NRXN1: variants seen among roughly 807,000 people sequenced by gnomAD.
The protein encoded by NRXN1 is neurexin 1.
Under a neutral mutation model 150.9 loss-of-function variants are expected in NRXN1, and 39 were observed. The ratio of observed to expected loss-of-function variants is 0.26; its 90% CI spans 0.20 to 0.34. The LOEUF (loss-of-function observed/expected upper bound fraction) is 0.34. Among genes scored for constraint, NRXN1 ranks in the 10% least tolerant of loss-of-function variants. NRXN1 has a pLI of 1.00. For synonymous variants in NRXN1, 924 were observed against 757.0 expected (o/e 1.22, Z -3.62); for missense variants, 1,815 against 1,949.9 (o/e 0.93, Z 1.30).
intron 2 of NRXN1, among the ~76,000 whole-genome samples, chr2:50,956,874 C>G (rs1692368134): frequency 1.3e-5 from 2 of 152,066 alleles, no homozygotes; most frequent in Admixed American, 6.6e-5. Flanking sequence ...TGGTCAGCCC[C>G]AGTTTACATA....
rs570563736 is a variant in NRXN1 at position 50,130,141 on chromosome 2, T to C, written c.3547-38647A>G. 2.0e-4 allele frequency among the ~76,000 whole-genome samples: 31 copies of C among 152,298 alleles called. No homozygotes were observed. In the South Asian group the frequency reaches 6.4e-3, roughly 32 times the overall value. On this transcript the variant is annotated intron_variant, in intron 18 of 22. Transcript: ENST00000401669. ...TCACAGTTTTGTCGCTTCTTTCCAC[T>C]GATGTCCTCCCTAGTCTTGTTCTGA...
intron 12 of NRXN1, among the ~76,000 whole-genome samples, chr2:50,509,419 A>G (rs2092366466): frequency 6.6e-6 from 1 of 152,162 alleles, no homozygotes; most frequent in African/African-American, 2.4e-5. Context: ...GGGATGCTGA[A>G]ATGACTGTTC....
At chr2:50,219,929 A>ATATATAT (rs1385698940) in intron 18 of NRXN1, among the ~76,000 whole-genome samples, 3 of 77,968 alleles carry the variant, frequency 3.8e-5, no homozygotes, top group South Asian at 3.1e-4. Context: ...TCTCTATATT[A>ATATATAT]TATATATTAT....
chr2:50,214,620 G>A (rs2063265319), intron 18 of NRXN1, among the ~76,000 whole-genome samples: 2 of 151,900 alleles, frequency 1.3e-5, no homozygotes, highest in Admixed American at 1.3e-4. Flanking sequence ...CTGTATTCTA[G>A]CTACTTTCAA....
intron 11 of NRXN1, 80 bp downstream of exon 11, chr2:50,531,147 G>C (rs2093091153): frequency 9.0e-7 from 1 of 1,116,252 alleles, no homozygotes; most frequent in Non-Finnish European, 1.3e-6. Context: ...ATGGCAAACA[G>C]GCTACTTGAT....
intron 5 of NRXN1, among the ~76,000 whole-genome samples, chr2:50,679,250 T>C (rs1037394949): frequency 1.3e-5 from 2 of 152,222 alleles, no homozygotes; most frequent in East Asian, 3.9e-4. Context: ...GTTTTGAGCA[T>C]GGGGAGACAT....
intron 8 of NRXN1, among the ~76,000 whole-genome samples, chr2:50,566,261 T>C (rs1669826317): frequency 6.6e-6 from 1 of 152,110 alleles, no homozygotes; most frequent in Non-Finnish European, 1.5e-5. Context: ...TTTTTTTTAA[T>C]TGAGATGGAG....
chr2:50,399,302 T>G (rs950581057), intron 17 of NRXN1, among the ~76,000 whole-genome samples: 2 of 152,112 alleles, frequency 1.3e-5, no homozygotes, highest in South Asian at 2.1e-4. Flanking sequence ...ATGGGTTACT[T>G]GCATTATTTT....
At chr2:50,939,791 A>G (rs1336028564) in intron 2 of NRXN1, among the ~76,000 whole-genome samples, 2 of 152,230 alleles carry the variant, frequency 1.3e-5, no homozygotes, top group Admixed American at 6.5e-5. Context: ...TACTGTTTTC[A>G]GGGATACTAA....
At chr2:50,155,349 T>C (rs2058951038) in intron 18 of NRXN1, among the ~76,000 whole-genome samples, 1 of 151,512 alleles carries the variant, frequency 6.6e-6, no homozygotes, top group African/African-American at 2.4e-5. Flanking sequence ...ATTCATTTAT[T>C]ATTTTGCTTG....
chr2:50,138,983 T>G (rs1173177255), intron 18 of NRXN1, among the ~76,000 whole-genome samples: 1 of 152,174 alleles, frequency 6.6e-6, no homozygotes, highest in African/African-American at 2.4e-5. Flanking sequence ...AGGTAAAGGT[T>G]TATTTTGTAA....
At chr2:50,325,540 G>A (rs1032391015) in intron 17 of NRXN1, among the ~76,000 whole-genome samples, 2 of 152,170 alleles carry the variant, frequency 1.3e-5, no homozygotes, top group Admixed American at 1.3e-4. Context: ...ATGAGAAAAC[G>A]TGTCCAAAGT....
At chr2:50,171,022 T>C (rs2059998593) in intron 18 of NRXN1, among the ~76,000 whole-genome samples, 1 of 152,100 alleles carries the variant, frequency 6.6e-6, no homozygotes, top group African/African-American at 2.4e-5. Flanking sequence ...CAAAAGAAAA[T>C]GTTATTTAGA....
chr2:50,569,408 T>A (rs1670330751), intron 8 of NRXN1, among the ~76,000 whole-genome samples: 1 of 152,046 alleles, frequency 6.6e-6, no homozygotes, highest in African/African-American at 2.4e-5. Context: ...ATGTACTCCA[T>A]AAACACTTAG....
intron 21 of NRXN1, among the ~76,000 whole-genome samples, chr2:49,979,043 A>G (rs544062985): frequency 8.0e-4 from 122 of 152,318 alleles, no homozygotes; most frequent in Admixed American, 1.2e-3. Flanking sequence ...TCATGCCTGT[A>G]ATCCCAGTTC....
At chr2:51,007,953 G>C (rs1667281409) in intron 2 of NRXN1, among the ~76,000 whole-genome samples, 1 of 151,746 alleles carries the variant, frequency 6.6e-6, no homozygotes, top group African/African-American at 2.4e-5. Flanking sequence ...ATCTTGCACA[G>C]AATAGAAGGA....
At position 50,447,737 on chromosome 2, in the gene NRXN1, T is replaced by TTATATATATATATATATA. The variant is rs70948710; in HGVS notation, c.3364+17687_3364+17704dup. ...AAATCACATAGTAAGCAGGGGAACG[T>TTATATATATATATATATA]TATATATATATATATATATATATAT... is the stretch of plus-strand genomic sequence containing the variant. On this transcript the variant is annotated intron_variant, in intron 17 of 22. Transcript: ENST00000401669. Among the ~76,000 whole-genome samples the TTATATATATATATATATA allele has an allele frequency of 1.2e-3, 47 of 37,894 alleles. 1 individual carries two copies. The highest frequency in any genetic ancestry group is 0.014 in the Middle Eastern group (1 of 70). 24.9% of individuals were successfully genotyped at this position (37,894 alleles called of 152,430 possible). A position where few individuals can be genotyped will look rare whatever the true frequency, so the allele number is the denominator to read the frequency against.
intron 5 of NRXN1, among the ~76,000 whole-genome samples, chr2:50,780,696 A>T (rs1465317259): frequency 1.3e-5 from 2 of 152,288 alleles, no homozygotes; most frequent in African/African-American, 4.8e-5. Context: ...TCTTACTACT[A>T]ATATTTGAAA....
intron 5 of NRXN1, among the ~76,000 whole-genome samples, chr2:50,662,754 G>A (rs1160111324): frequency 6.6e-6 from 1 of 151,884 alleles, no homozygotes; most frequent in African/African-American, 2.4e-5. Context: ...GAAACAATGA[G>A]AATTTTGATC....
Sources: gnomAD v4.1 joint callset for allele counts (sites outside exome capture counted in the v4.1 genomes callset) on GRCh38, gnomAD v4.1.1 for gene constraint, MANE v1.5 for transcripts, NCBI Gene and HGNC (gene_info 2026-07-23, HGNC 2026-07-21) for gene names.